SLC25A48: variants seen among roughly 807,000 people sequenced by gnomAD.
The protein encoded by SLC25A48 is solute carrier family 25 member 48.
A neutral mutation model predicts 32.2 loss-of-function variants in SLC25A48; 29 were observed. That is an observed-to-expected ratio of 0.90 (90% CI 0.67 to 1.23). The LOEUF is 1.23. Ranked by LOEUF, SLC25A48 falls within the 50% of genes most tolerant of loss-of-function variation. The pLI, the probability that SLC25A48 is intolerant of heterozygous loss-of-function variation, is 0.00. For synonymous variants in SLC25A48, 164 were observed against 172.3 expected, an observed-to-expected ratio of 0.95 and a Z score of 0.38; for missense variants, 399 against 422.7, an observed-to-expected ratio of 0.94 and a Z score of 0.49.
intron 1 of SLC25A48, among the ~76,000 whole-genome samples, chr5:135,605,068 C>G (rs1302161459): frequency 6.6e-6 from 1 of 152,138 alleles, no homozygotes; most frequent in African/African-American, 2.4e-5. Flanking sequence ...TGGGTATAAA[C>G]TGAGCTGCAA....
chr5:135,746,531 T>C (rs995645136), intron 3 of SLC25A48, among the ~76,000 whole-genome samples: 1 of 152,184 alleles, frequency 6.6e-6, no homozygotes, highest in Non-Finnish European at 1.5e-5. Flanking sequence ...AATCCGATTC[T>C]CCGGTGCAAA....
At chr5:135,688,707 G>C (rs528587025) in intron 3 of SLC25A48, among the ~76,000 whole-genome samples, 2 of 152,192 alleles carry the variant, frequency 1.3e-5, no homozygotes, top group African/African-American at 4.8e-5. Context: ...GGCCCTGAAG[G>C]CTGGGTTGGG....
Position 135,634,369 on chromosome 5 carries a change from G to C in SLC25A48, c.-708-400G>C, listed in dbSNP as rs186665484. On this transcript the variant is annotated intron_variant, in intron 2 of 10. Transcript: ENST00000646290. ...GAAGGGCGAAATACCTTCTAGAGCTGAGCTGTGACCCAAGGAGTGGAAGTT... is the reference window on the plus strand; with the variant it reads ...GAAGGGCGAAATACCTTCTAGAGCTCAGCTGTGACCCAAGGAGTGGAAGTT... 1.1e-4 allele frequency among the ~76,000 whole-genome samples: 16 copies of C among 152,378 alleles called. No homozygotes were observed. In the East Asian group the frequency reaches 2.5e-3, roughly 24 times the overall value.
chr5:135,750,076 T>C (rs1241942797), intron 3 of SLC25A48, among the ~76,000 whole-genome samples: 1 of 152,230 alleles, frequency 6.6e-6, no homozygotes, highest in Non-Finnish European at 1.5e-5. Context: ...TATTGGATTT[T>C]ATTGCATGGA....
intron 3 of SLC25A48, among the ~76,000 whole-genome samples, chr5:135,754,386 TCC>T (rs1299282084): frequency 4.6e-5 from 7 of 152,098 alleles, no homozygotes; most frequent in African/African-American, 1.7e-4. Flanking sequence ...TACTGAAATA[TCC>T]CTCTGGTATT....
At chr5:135,748,722 AT>A (rs1160434929) in intron 3 of SLC25A48, among the ~76,000 whole-genome samples, 1,576 of 134,996 alleles carry the variant, frequency 0.012, 10 homozygotes, top group African/African-American at 0.028. Flanking sequence ...AGACAGGTAA[AT>A]TTTTTTTTTT....
At chr5:135,595,039 G>A (rs1365944224) in intron 1 of SLC25A48, among the ~76,000 whole-genome samples, 2 of 152,142 alleles carry the variant, frequency 1.3e-5, no homozygotes, top group Non-Finnish European at 2.9e-5. Flanking sequence ...CTGAGGCTAG[G>A]CCTGCTTGGA....
At chr5:135,736,646 G>A (rs1313581446) in intron 3 of SLC25A48, among the ~76,000 whole-genome samples, 1 of 152,106 alleles carries the variant, frequency 6.6e-6, no homozygotes, top group African/African-American at 2.4e-5. Context: ...GCTGCTATGG[G>A]TGAAGGACCA....
chr5:135,753,878 T>C (rs1454522017), intron 3 of SLC25A48, among the ~76,000 whole-genome samples: 2 of 151,978 alleles, frequency 1.3e-5, no homozygotes, highest in Non-Finnish European at 2.9e-5. Flanking sequence ...ATATTAGCAG[T>C]CTTATGTCAG....
In SLC25A48 at chr5:135,880,076, G is replaced by A. The variant is rs1031858124; in HGVS notation, c.922G>A (p.Val308Met). 6.5e-7 allele frequency: 1 copy of A among 1,536,094 alleles called. No individual in the cohort carries two copies. Among genetic ancestry groups the A allele is most frequent in the African/African-American group, 1.4e-5 (1 of 73,172 alleles). Residue 308 changes from valine (V) to methionine (M), a missense_variant, in exon 7 of 8, where the codon GTG becomes ATG. Val to Met is a conservative substitution (Grantham distance 21). Coordinates refer to ENST00000681962, the MANE Select transcript of SLC25A48 (RefSeq NM_001349336.2). ...GCAGGCTATCCGCGGGGACCACGCA[G>A]TGACGAGCCCATAAGCGCCAGGTCA... ...SLQAIRGDHA[V>M]TSP
chr5:135,612,025 C>T lies in SLC25A48; in HGVS notation c.-848-17212C>T, dbSNP rs540577396. Among the ~76,000 whole-genome samples, 308 of 152,310 alleles carry T rather than the reference C, an allele frequency of 2.0e-3. 1 individual carries two copies. The highest frequency in any genetic ancestry group is 3.7e-3 in the Non-Finnish European group (254 of 68,026). ...CATTAAGGTGCCCAGGCAACATGAA[C>T]GGTTTATATGCTGTGGCTTTCCTAT... On this transcript the variant is annotated intron_variant, in intron 1 of 10. Coordinates refer to the SLC25A48 transcript ENST00000646290.
At chr5:135,667,071 A>G (rs963235174) in intron 3 of SLC25A48, among the ~76,000 whole-genome samples, 15 of 152,120 alleles carry the variant, frequency 9.9e-5, no homozygotes, top group Non-Finnish European at 1.3e-4. Flanking sequence ...CTTTTTCCAT[A>G]TCTCAGCTTT....
At chr5:135,872,323 C>T (rs1400843785) in intron 5 of SLC25A48, 1 of 154,840 alleles carries the variant, frequency 6.5e-6, no homozygotes. Context: ...TTTCCAGGCC[C>T]TCAGTGATCT....
At chr5:135,661,321 A>T (rs1753391261) in intron 3 of SLC25A48, among the ~76,000 whole-genome samples, 1 of 152,170 alleles carries the variant, frequency 6.6e-6, no homozygotes, top group African/African-American at 2.4e-5. Flanking sequence ...GAGCAGCTCT[A>T]AATTGCCAAA....
intron 3 of SLC25A48, among the ~76,000 whole-genome samples, chr5:135,801,631 GA>G (rs1315398039): frequency 6.6e-6 from 1 of 151,466 alleles, no homozygotes; most frequent in Non-Finnish European, 1.5e-5. Context: ...TAATATCCAG[GA>G]GGGGAGGAGA....
At chr5:135,802,176 A>G (rs985759998) in intron 3 of SLC25A48, among the ~76,000 whole-genome samples, 3 of 144,332 alleles carry the variant, frequency 2.1e-5, no homozygotes, top group Non-Finnish European at 1.6e-5. Context: ...TTTACATCAT[A>G]TGACTACACC....
chr5:135,640,426 A>G (rs1752805867), intron 3 of SLC25A48, among the ~76,000 whole-genome samples: 1 of 152,174 alleles, frequency 6.6e-6, no homozygotes, highest in African/African-American at 2.4e-5. Flanking sequence ...AACCCCAAGT[A>G]GGATTCATTT....
chr5:135,733,248 G>A (rs896838024), intron 3 of SLC25A48, among the ~76,000 whole-genome samples: 1 of 152,220 alleles, frequency 6.6e-6, no homozygotes, highest in Non-Finnish European at 1.5e-5. Flanking sequence ...GGTGAGTGGC[G>A]ATTAGGCCTG....
chr5:135,625,908 A>C (rs114082516), intron 1 of SLC25A48, among the ~76,000 whole-genome samples: 1 of 152,152 alleles, frequency 6.6e-6, no homozygotes, highest in African/African-American at 2.4e-5. Flanking sequence ...CAGCCAGTTC[A>C]GTAAATCTCT....
Sources: gnomAD v4.1 joint callset for allele counts (sites outside exome capture counted in the v4.1 genomes callset) on GRCh38, gnomAD v4.1.1 for gene constraint, MANE v1.5 for transcripts, NCBI Gene and HGNC (gene_info 2026-07-23, HGNC 2026-07-21) for gene names.